MTMR6: variants seen among roughly 807,000 people sequenced by gnomAD.
MTMR6 encodes the protein myotubularin related protein 6.
Under a neutral mutation model 80.1 loss-of-function variants are expected in MTMR6, and 47 were observed. The ratio of observed to expected loss-of-function variants is 0.59; its 90% CI spans 0.46 to 0.75. The LOEUF (loss-of-function observed/expected upper bound fraction) is 0.75, where lower values mean the gene tolerates loss of function less well. Ranked by LOEUF, MTMR6 falls within the 30% of genes least tolerant of loss-of-function variation. The pLI is 0.00. For missense variants in MTMR6, 629 were observed against 730.9 expected, an observed-to-expected ratio of 0.86 and a Z score of 1.61; for synonymous variants, 254 against 253.0, an observed-to-expected ratio of 1.00 and a Z score of -0.04.
chr13:25,256,112 A>G (rs538061981), intron 9 of MTMR6, among the ~76,000 whole-genome samples: 30 of 152,038 alleles, frequency 2.0e-4, no homozygotes, highest in African/African-American at 7.2e-4. Context: ...TCAGGCCCTG[A>G]CCCCACTCTA....
At chr13:25,260,230 G>A (rs565893238) in intron 6 of MTMR6, among the ~76,000 whole-genome samples, 3 of 147,052 alleles carry the variant, frequency 2.0e-5, no homozygotes, top group Admixed American at 1.4e-4. Flanking sequence ...GTGCCATGGC[G>A]TGATCTCGGC....
At position 25,266,207 on chromosome 13, in the gene MTMR6, A is replaced by C; in HGVS notation, c.384T>G (p.Ile128Met). 1 of 1,614,102 alleles carries C rather than the reference A, an allele frequency of 6.2e-7. No individual in the cohort carries two copies. Among genetic ancestry groups the C allele is most frequent in the East Asian group, 2.2e-5 (1 of 44,880 alleles). The part of the protein sequence containing the change: ...DSERLQGWQL[I>M]DLAEEYKRMG... ...TCCTCTTATATTCCTCAGCGAGATC[A>C]ATGAGCTGCCAGCCTTGTAGTCGTT... The change falls in exon 4 of 14, where the codon ATT (isoleucine) becomes ATG (methionine). Residue 128 changes from isoleucine (I) to methionine (M), a missense_variant. Coordinates refer to ENST00000381801, the MANE Select transcript of MTMR6 (RefSeq NM_004685.5).
intron 1 of MTMR6, among the ~76,000 whole-genome samples, chr13:25,285,453 A>G (rs1593160781): frequency 7.9e-6 from 1 of 125,890 alleles, no homozygotes; most frequent in African/African-American, 3.0e-5. Flanking sequence ...GCTCACTGCA[A>G]CCTCCACTTC....
At position 25,253,579 on chromosome 13, in the gene MTMR6, C is replaced by G. The variant is rs564936605; in HGVS notation, c.1346+185G>C. Among the ~76,000 whole-genome samples, 19 of 152,152 alleles carry G rather than the reference C, an allele frequency of 1.2e-4. 1 individual carries two copies. Among genetic ancestry groups the G allele is most frequent in the Admixed American group, 9.2e-4 (14 of 15,270 alleles). On this transcript the variant is annotated intron_variant, in intron 11 of 13. Transcript: ENST00000381801. ...ACTTCAAAACACATTTTATAATGTGCTTTTACTATTAGCTGAAAGGTGGGG... is the reference window on the plus strand; with the variant it reads ...ACTTCAAAACACATTTTATAATGTGGTTTTACTATTAGCTGAAAGGTGGGG...
At chr13:25,252,382 G>A (rs1957109563) in intron 11 of MTMR6, among the ~76,000 whole-genome samples, 1 of 152,202 alleles carries the variant, frequency 6.6e-6, no homozygotes, top group Non-Finnish European at 1.5e-5. Flanking sequence ...GGCCGTAGTG[G>A]CGAGTATCAT....
rs557076804 is a variant in MTMR6, at chr13:25,253,008, C to A, written c.1346+756G>T. The stretch of plus-strand genomic sequence containing the variant: ...AAAGTCTGTTAAGTGCTCTTTATTG[C>A]CTACTGTAAGAGGCAATAAAGAAAT... On this transcript the variant is annotated intron_variant, in intron 11 of 13. Transcript: ENST00000381801. 2.8e-4 allele frequency among the ~76,000 whole-genome samples: 43 copies of A among 152,190 alleles called. 1 individual carries two copies. In the South Asian group the frequency reaches 8.7e-3, roughly 31 times the overall value.
chr13:25,274,939 GACACACACACACACACACACATACAC>G (rs1327562229), intron 1 of MTMR6, among the ~76,000 whole-genome samples: 2 of 42,966 alleles, frequency 4.7e-5, no homozygotes, highest in African/African-American at 1.1e-4. Context: ...CTAGTAGACA[GACACACACACACACACACACATACAC>G]ACACACACAC....
At chr13:25,274,333 A>C (rs983273027) in intron 1 of MTMR6, 146 bp from the exon 2 acceptor site, 4 of 555,058 alleles carry the variant, frequency 7.2e-6, no homozygotes, top group Non-Finnish European at 9.5e-6. Context: ...TAAATTCCAT[A>C]TATCTTTTTG....
At chr13:25,283,497 CCTTT>C (rs1957901548) in intron 1 of MTMR6, among the ~76,000 whole-genome samples, 2 of 152,116 alleles carry the variant, frequency 1.3e-5, no homozygotes, top group African/African-American at 2.4e-5. Flanking sequence ...TTTTATATCT[CCTTT>C]CTTCTTTCAG....
At position 25,284,521 on chromosome 13, in the gene MTMR6, C is replaced by G. The variant is rs1197283340; in HGVS notation, c.24+2703G>C. ...TCAATAAATGGTAATTATTACTTTTCAAATAGAGCTGACTGAACAACAAAA... is the reference window on the plus strand; with the variant it reads ...TCAATAAATGGTAATTATTACTTTTGAAATAGAGCTGACTGAACAACAAAA... On this transcript the variant is annotated intron_variant, in intron 1 of 13. Coordinates refer to ENST00000381801, the MANE Select transcript of MTMR6 (RefSeq NM_004685.5). 2.6e-5 allele frequency among the ~76,000 whole-genome samples: 4 copies of G among 152,128 alleles called. No individual in the cohort carries two copies. In the East Asian group the frequency reaches 5.8e-4, roughly 22 times the overall value.
Position 25,287,468 on chromosome 13 carries a change from G to C in MTMR6, c.-221C>G. 1 of 602,220 alleles carries C rather than the reference G, an allele frequency of 1.7e-6. No homozygotes were observed. The highest frequency in any genetic ancestry group is 3.0e-6 in the Non-Finnish European group (1 of 336,274). 37.3% of individuals were successfully genotyped at this position (602,220 alleles called of 1,614,324 possible). ...CCCGCGGCCTCCCGGGGGACTCGGG[G>C]CAGGCAGACAGAGCGTGTGTGGACC... On this transcript the variant is annotated 5_prime_UTR_variant, in exon 1 of 14. Coordinates refer to ENST00000381801, the MANE Select transcript of MTMR6 (RefSeq NM_004685.5).
chr13:25,257,432 T>C, intron 8 of MTMR6, 111 bp from the exon 9 acceptor site: 1 of 1,259,066 alleles, frequency 7.9e-7, no homozygotes, highest in Non-Finnish European at 1.1e-6. Context: ...ATGCCTGCAA[T>C]GATAATGTCA....
intron 13 of MTMR6, among the ~76,000 whole-genome samples, chr13:25,250,757 G>A (rs557816358): frequency 6.8e-4 from 103 of 152,244 alleles, no homozygotes; most frequent in African/African-American, 2.5e-3. Context: ...GCAAAATGAA[G>A]CACATAAACA....
Position 25,251,772 on chromosome 13 carries a change from A to G in MTMR6, c.1482T>C (p.Phe494=). The G allele has an allele frequency of 6.2e-7, 1 of 1,607,424 alleles. No individual in the cohort carries two copies. The highest frequency in any genetic ancestry group is 2.2e-5 in the East Asian group (1 of 44,770). The stretch of plus-strand genomic sequence containing the variant: ...CAAATTGATGGTACATGTTCCTCCA[A>G]AACCTTTATGACAAAAAAAAGTTTC... ...EPNTVSFNFK[F]WRNMYHQFDR... is the part of the protein sequence containing the mutation. Residue 494 remains phenylalanine, a synonymous_variant, in exon 13 of 14, where the codon TTT becomes TTC. Transcript: ENST00000381801. This position sits in a 1 kb window ranked among gnomAD's most constrained non-coding sequence, Gnocchi z 4.1.
Position 25,267,831 on chromosome 13 carries a change from T to C in MTMR6, c.252A>G (p.Arg84=). Residue 84 remains arginine (R), a synonymous_variant, in exon 3 of 14, where the codon AGA becomes AGG. Coordinates refer to ENST00000381801, the MANE Select transcript of MTMR6 (RefSeq NM_004685.5). The part of the protein sequence containing the change: ...NFRTVHFIVP[R]ERDCHDIYNS... ...TGTAAATATCATGGCAATCTCTTTC[T>C]CTGGGAACAATGAAATGCACAGTTC... 6.2e-7 allele frequency: 1 copy of C among 1,613,976 alleles called. No homozygotes were observed. Among genetic ancestry groups the C allele is most frequent in the Non-Finnish European group, 8.5e-7 (1 of 1,179,912 alleles).
chr13:25,253,868 G>A lies in MTMR6; in HGVS notation c.1242C>T (p.Ala414=). The A allele has an allele frequency of 6.2e-7, 1 of 1,614,094 alleles. No homozygotes were observed. Among genetic ancestry groups the A allele is most frequent in the Non-Finnish European group, 8.5e-7 (1 of 1,179,980 alleles). ...GAAGAAATGCTTCACTGAATTCAAAGGCTTGTGGAAACTGTTCGGTCAAAT... is the reference window on the plus strand; with the variant it reads ...GAAGAAATGCTTCACTGAATTCAAAAGCTTGTGGAAACTGTTCGGTCAAAT... ...VWHLTEQFPQ[A]FEFSEAFLLQ... The change falls in exon 11 of 14, where the codon GCC becomes GCT. Residue 414 remains alanine (A), a synonymous_variant. Transcript: ENST00000381801.
chr13:25,250,686 T>A (rs886391019), intron 13 of MTMR6, among the ~76,000 whole-genome samples: 1 of 152,224 alleles, frequency 6.6e-6, no homozygotes, highest in Non-Finnish European at 1.5e-5. Flanking sequence ...TAGTAGTTAC[T>A]AATAAAAAGA....
intron 4 of MTMR6, 71 bp from the exon 5 acceptor site, chr13:25,266,018 AT>A: frequency 6.3e-7 from 1 of 1,596,228 alleles, no homozygotes; most frequent in African/African-American, 1.3e-5. Context: ...TTTAAACCTT[AT>A]TAAATGCAAG....
rs200817508 is a variant in MTMR6, at chr13:25,251,799, A to G, written c.1479-24T>C. 52 of 1,603,320 alleles carry G rather than the reference A, an allele frequency of 3.2e-5. No homozygotes were observed. The African/African-American group carries it at 6.2e-4, about 19-fold the overall frequency. On this transcript the variant is annotated intron_variant, in intron 12 of 13. Transcript: ENST00000381801. This position sits in a 1 kb window ranked among gnomAD's most constrained non-coding sequence, Gnocchi z 4.1. ...ACCTTTATGACAAAAAAAAGTTTCA[A>G]TAAATTGTGTTTGAGAAAATTCAAG...
Sources: gnomAD v4.1 joint callset for allele counts (sites outside exome capture counted in the v4.1 genomes callset) on GRCh38, gnomAD v4.1.1 for gene constraint, Gnocchi (gnomAD v3.1) non-coding constraint, MANE v1.5 for transcripts, NCBI Gene and HGNC (gene_info 2026-07-23, HGNC 2026-07-21) for gene names.